The following POLA1 variants were observed in gnomAD, a reference collection of about 807,000 sequenced individuals.
POLA1 encodes DNA polymerase alpha catalytic subunit.
POLA1 carries 15 observed loss-of-function variants against 124.0 expected under a neutral mutation model. That is an observed-to-expected ratio of 0.12 (90% confidence interval 0.08 to 0.19). The LOEUF (loss-of-function observed/expected upper bound fraction) is 0.19, where lower values mean the gene tolerates loss of function less well. POLA1 is among the 10% of genes least tolerant of loss of function. The pLI is 1.00. For missense variants in POLA1, 886 were observed against 1,103.4 expected (o/e 0.80, Z 2.79); for synonymous variants, 408 against 389.4 (o/e 1.05, Z -0.56).
chrX:24,920,984 A>G (rs149548316), intron 35 of POLA1, among the ~76,000 whole-genome samples: 138 of 112,330 alleles, frequency 1.2e-3, no homozygotes, highest in African/African-American at 4.2e-3. Flanking sequence ...GCTATGAATA[A>G]TCATTCTAGT....
chrX:24,883,110 C>T lies in POLA1; in HGVS notation c.4048-4896C>T, dbSNP rs1000164849. ...CATCTCTCTGATGATTAGTGATAAG[C>T]ATTTTTTCGTATGCTTGTTGGCTGC... is the stretch of plus-strand genomic sequence containing the variant. On this transcript the variant is annotated intron_variant, in intron 34 of 36. Transcript: ENST00000379068. Among the ~76,000 whole-genome samples, 3 of 111,977 alleles carry T rather than the reference C, an allele frequency of 2.7e-5. No homozygotes were observed. In the Admixed American group the frequency reaches 2.8e-4, roughly 11 times the overall value.
At chrX:24,703,990 A>C (rs1569271647) in intron 3 of POLA1, among the ~76,000 whole-genome samples, 1 of 111,573 alleles carries the variant, frequency 9.0e-6, no homozygotes, top group African/African-American at 3.3e-5. Flanking sequence ...TTATGTTTCT[A>C]CTTGTGTAGT....
At chrX:24,843,833 A>G (rs1386239158) in intron 34 of POLA1, among the ~76,000 whole-genome samples, 156 bp downstream of exon 34, 3 of 112,241 alleles carry the variant, frequency 2.7e-5, no homozygotes, top group Non-Finnish European at 5.6e-5. Context: ...TAATTTTGGC[A>G]TATTAGCATG....
chrX:24,816,351 T>C (rs2045988671), intron 30 of POLA1, among the ~76,000 whole-genome samples: 1 of 112,491 alleles, frequency 8.9e-6, no homozygotes, highest in Admixed American at 9.4e-5. Context: ...GAATTTGCAT[T>C]TCTTTGATTC....
intron 22 of POLA1, 118 bp from the exon 23 acceptor site, chrX:24,743,112 C>T (rs931872031): frequency 4.8e-6 from 2 of 414,305 alleles, no homozygotes; most frequent in South Asian, 5.7e-5. Context: ...CAGATAGGAC[C>T]ACTAACTGAA....
intron 34 of POLA1, among the ~76,000 whole-genome samples, chrX:24,856,691 A>T (rs916656014): frequency 9.0e-5 from 10 of 111,322 alleles, no homozygotes; most frequent in African/African-American, 1.3e-4. Context: ...AGACATTTTA[A>T]TATGTATGGA....
chrX:24,881,321 A>G (rs2046998748), intron 34 of POLA1, among the ~76,000 whole-genome samples: 1 of 111,737 alleles, frequency 8.9e-6, no homozygotes, highest in Admixed American at 9.5e-5. Flanking sequence ...GCTTAGCAAT[A>G]ATGTTCCCCA....
intron 36 of POLA1, among the ~76,000 whole-genome samples, chrX:24,977,202 C>G (rs2048374158): frequency 8.9e-6 from 1 of 111,965 alleles, no homozygotes; most frequent in Non-Finnish European, 1.9e-5. Flanking sequence ...TAAAACATCT[C>G]TTCCAGTAGC....
rs1029782108 is a variant in POLA1, at chrX:24,996,393, C to T, written c.*443C>T. On this transcript the variant is annotated 3_prime_UTR_variant, in exon 37 of 37. Transcript: ENST00000379068. Reference sequence around the variant, plus strand: ...TTGCTTTTTCATATGCCAATTAAACCCGGTCTAAATCCAAATGCTTCTCCA... The same window carrying T: ...TTGCTTTTTCATATGCCAATTAAACTCGGTCTAAATCCAAATGCTTCTCCA... 1 of 115,077 alleles carries T rather than the reference C, an allele frequency of 8.7e-6. No homozygotes were observed. Among genetic ancestry groups the T allele is most frequent in the African/African-American group, 3.2e-5 (1 of 30,925 alleles). 9.5% of individuals were successfully genotyped at this position (115,077 alleles called of 1,213,427 possible).
rs767629992 is a variant in POLA1, at chrX:24,966,586, G to A, written c.4262-29219G>A. On this transcript the variant is annotated intron_variant, in intron 36 of 36. Coordinates refer to ENST00000379068, the MANE Select transcript of POLA1 (RefSeq NM_001330360.2). ...GTTTTAAAAGGATAACAATATCTGA[G>A]TGCATGTTTGTAAGAGCAGCTAGAT... 2.7e-5 allele frequency among the ~76,000 whole-genome samples: 3 copies of A among 112,238 alleles called. No individual in the cohort carries two copies. The South Asian group carries it at 1.1e-3, about 41-fold the overall frequency.
chrX:24,821,124 A>T (rs2046080958), intron 30 of POLA1, among the ~76,000 whole-genome samples: 1 of 112,170 alleles, frequency 8.9e-6, no homozygotes, highest in Admixed American at 9.4e-5. Context: ...CAGTTAACTC[A>T]GTGAGATAAT....
At chrX:24,714,745 G>T in intron 5 of POLA1, 76 bp downstream of exon 5, 1 of 560,015 alleles carries the variant, frequency 1.8e-6, no homozygotes, top group Non-Finnish European at 2.9e-6. Flanking sequence ...ACAGATAACA[G>T]GTGCTCTGTA....
At chrX:24,917,736 A>T (rs1043354094) in intron 35 of POLA1, among the ~76,000 whole-genome samples, 2 of 111,859 alleles carry the variant, frequency 1.8e-5, no homozygotes, top group Non-Finnish European at 3.8e-5. Context: ...GGTGGGCTGT[A>T]TGAATATATT....
chrX:24,884,249 A>G (rs2047038008), intron 34 of POLA1, among the ~76,000 whole-genome samples: 1 of 111,402 alleles, frequency 9.0e-6, no homozygotes, highest in Admixed American at 9.6e-5. Context: ...CCTGGGCTCC[A>G]GCCATCTTCC....
Position 24,833,816 on chromosome X carries a change from G to A in POLA1, c.3736+7215G>A, listed in dbSNP as rs770252818. Among the ~76,000 whole-genome samples the A allele has an allele frequency of 8.4e-4, 95 of 112,461 alleles. No individual in the cohort carries two copies. In the South Asian group the frequency reaches 0.021, roughly 25 times the overall value. On this transcript the variant is annotated intron_variant, in intron 32 of 36. Coordinates refer to ENST00000379068, the MANE Select transcript of POLA1 (RefSeq NM_001330360.2). ...AAACAGGAAAGGAAGGCCAGGTACC[G>A]TGCGTGGCTCACGCCTGTAATCCCA... is the stretch of plus-strand genomic sequence containing the variant.
rs191303694 is a variant in POLA1 at position 24,986,726 on chromosome X, T to C, written c.4262-9079T>C. Among the ~76,000 whole-genome samples the C allele has an allele frequency of 4.5e-5, 5 of 110,169 alleles. No homozygotes were observed. In the East Asian group the frequency reaches 1.1e-3, roughly 25 times the overall value. On this transcript the variant is annotated intron_variant, in intron 36 of 36. Coordinates refer to ENST00000379068, the MANE Select transcript of POLA1 (RefSeq NM_001330360.2). The stretch of plus-strand genomic sequence containing the variant: ...CCTGACAGAGTAAGACCCTGTCTCT[T>C]AACATATATATATATATATGTATGT...
At chrX:24,927,006 A>ATT (rs367953627) in intron 35 of POLA1, among the ~76,000 whole-genome samples, 32 of 101,344 alleles carry the variant, frequency 3.2e-4, no homozygotes, top group Admixed American at 1.1e-3. Context: ...TAATTTTTGT[A>ATT]TTTTTTTTTT....
rs1396156189 is a variant in POLA1, at chrX:24,831,504, T to G, written c.3736+4903T>G. Reference sequence around the variant, plus strand: ...GGCGCTATCTCGGCTCACTGCAACCTCTGCCTCTCAGGTTCAAGTGATTCT... The same window carrying G: ...GGCGCTATCTCGGCTCACTGCAACCGCTGCCTCTCAGGTTCAAGTGATTCT... On this transcript the variant is annotated intron_variant, in intron 32 of 36. Coordinates refer to ENST00000379068, the MANE Select transcript of POLA1 (RefSeq NM_001330360.2). Among the ~76,000 whole-genome samples the G allele has an allele frequency of 7.2e-5, 8 of 111,161 alleles. No homozygotes were observed. The Admixed American group carries it at 7.6e-4, about 11-fold the overall frequency.
In POLA1 at chrX:24,905,718, A is replaced by G. The variant is rs2047357495; in HGVS notation, c.4164+17596A>G. 4.5e-5 allele frequency among the ~76,000 whole-genome samples: 5 copies of G among 110,071 alleles called. No homozygotes were observed. In the South Asian group the frequency reaches 2.0e-3, roughly 44 times the overall value. ...GCTGGGATTATAGGCACTCACCACC[A>G]CGCCCGGCTAATTTTTGTATTTTTA... On this transcript the variant is annotated intron_variant, in intron 35 of 36. Transcript: ENST00000379068.
Sources: gnomAD v4.1 joint callset for allele counts (sites outside exome capture counted in the v4.1 genomes callset) on GRCh38, gnomAD v4.1.1 for gene constraint, MANE v1.5 for transcripts, NCBI Gene and HGNC (gene_info 2026-07-23, HGNC 2026-07-21) for gene names.